Variants in PC observed in about 807,000 individuals in gnomAD.
The protein encoded by PC is pyruvate carboxylase, mitochondrial.
Under a neutral mutation model 107.8 loss-of-function variants are expected in PC, and 46 were observed. That is an observed-to-expected ratio of 0.43 (90% CI 0.34 to 0.55). The LOEUF (loss-of-function observed/expected upper bound fraction) is 0.55, where lower values mean the gene tolerates loss of function less well. Ranked by LOEUF, PC falls within the 20% of genes least tolerant of loss-of-function variation. The probability of loss-of-function intolerance (pLI) is 0.04; values close to 1 mark genes in which losing one functional copy is unlikely to be tolerated. For synonymous variants in PC, 662 were observed against 684.7 expected, an observed-to-expected ratio of 0.97 and a Z score of 0.52; for missense variants, 1,241 against 1,643.1, an observed-to-expected ratio of 0.76 and a Z score of 4.23.
In PC at chr11:66,850,010, C is replaced by T. The variant is rs370436212; in HGVS notation, c.2825G>A (p.Arg942His). Residue 942 changes from arginine to histidine, a missense_variant, in exon 20 of 23, where the codon CGC (arginine) becomes CAC (histidine). This residue lies in a region of PC where 1,143 missense variants were observed against 1,551.9 expected (regional missense o/e 0.74). Coordinates refer to ENST00000393960, the MANE Select transcript of PC (RefSeq NM_001040716.2). Reference sequence around the variant, plus strand: ...GCCCTGCAGGAACTCCACCACGGAGCGGGGAAAGGACAGCTCTTCCGCCTG... The same window carrying T: ...GCCCTGCAGGAACTCCACCACGGAGTGGGGAAAGGACAGCTCTTCCGCCTG... Reference protein sequence around the residue: ...EAQAEELSFPRSVVEFLQGYI... With the variant: ...EAQAEELSFPHSVVEFLQGYI... The T allele has an allele frequency of 2.7e-5, 43 of 1,613,544 alleles. No homozygotes were observed. Among genetic ancestry groups the T allele is most frequent in the East Asian group, 6.7e-5 (3 of 44,898 alleles).
chr11:66,898,764 A>G (rs1332370768), intron 3 of PC, among the ~76,000 whole-genome samples: 3 of 152,022 alleles, frequency 2.0e-5, no homozygotes, highest in Non-Finnish European at 4.4e-5. Flanking sequence ...CTTTTAGAAC[A>G]TTTCCTATCC....
chr11:66,913,460 G>T (rs1458829685), intron 3 of PC, among the ~76,000 whole-genome samples: 1 of 151,650 alleles, frequency 6.6e-6, no homozygotes, highest in East Asian at 1.9e-4. Context: ...TGAGGTGGGC[G>T]GAACACAAGG....
chr11:66,852,629 C>T lies in PC; in HGVS notation c.1635G>A (p.Leu545=). Reference sequence around the variant, plus strand: ...CAAAGCCCTCAGGCCCCTCTCGCAGCAGGATGTCTCTGAAACCAGCCGGGG... The same window carrying T: ...CAAAGCCCTCAGGCCCCTCTCGCAGTAGGATGTCTCTGAAACCAGCCGGGG... ...GPPPAGFRDI[L]LREGPEGFAR... The change falls in exon 15 of 23, where the codon CTG becomes CTA. Residue 545 remains leucine, a synonymous_variant. Coordinates refer to ENST00000393960, the MANE Select transcript of PC (RefSeq NM_001040716.2). This position sits in a 1 kb window ranked among gnomAD's most constrained non-coding sequence, Gnocchi z 4.7. The T allele has an allele frequency of 6.2e-7, 1 of 1,613,856 alleles. No homozygotes were observed.
At chr11:66,953,258 G>C (rs1949481166) in intron 2 of PC, among the ~76,000 whole-genome samples, 1 of 152,210 alleles carries the variant, frequency 6.6e-6, no homozygotes, top group Admixed American at 6.5e-5. Context: ...TCTCCGCAGA[G>C]CTGTCTCTAA....
Position 66,857,889 on chromosome 11 carries a change from C to A in PC, c.1369-4506G>T. On this transcript the variant is annotated intron_variant, in intron 12 of 22. Coordinates refer to ENST00000393960, the MANE Select transcript of PC (RefSeq NM_001040716.2). This position sits in a 1 kb window ranked among gnomAD's most constrained non-coding sequence, Gnocchi z 7.1. ...GTTTGTGCCGCCCAACGTGGACCGG[C>A]GCACAGTGGAGCTGCGGCTGGCTGA... is the stretch of plus-strand genomic sequence containing the variant. The A allele has an allele frequency of 6.2e-7, 1 of 1,611,628 alleles. No individual in the cohort carries two copies. Among genetic ancestry groups the A allele is most frequent in the South Asian group, 1.1e-5 (1 of 91,074 alleles).
At chr11:66,872,851 C>A (rs1946796494) in intron 3 of PC, among the ~76,000 whole-genome samples, 1 of 149,842 alleles carries the variant, frequency 6.7e-6, no homozygotes, top group African/African-American at 2.5e-5. Flanking sequence ...GCCTGGCCAA[C>A]ATGGTGAAAC....
At chr11:66,950,415 A>G (rs1949409290) in intron 3 of PC, among the ~76,000 whole-genome samples, 1 of 152,236 alleles carries the variant, frequency 6.6e-6, no homozygotes. Context: ...GCATATCAGG[A>G]CAAGGAGGTA....
intron 3 of PC, among the ~76,000 whole-genome samples, chr11:66,923,456 C>T (rs1007426386): frequency 2.2e-4 from 33 of 151,456 alleles, no homozygotes; most frequent in Middle Eastern, 7.0e-3. Context: ...AGAGACCCAT[C>T]GGTTCATTCC....
intron 3 of PC, among the ~76,000 whole-genome samples, chr11:66,879,376 T>C (rs1591211549): frequency 1.3e-5 from 2 of 152,172 alleles, no homozygotes; most frequent in South Asian, 2.1e-4. Flanking sequence ...CAGAAACCTG[T>C]CCCCAACATT....
At chr11:66,859,196 C>T in intron 12 of PC, 1 of 1,347,376 alleles carries the variant, frequency 7.4e-7, no homozygotes, top group African/African-American at 1.5e-5. Flanking sequence ...CTGGGGCTGA[C>T]ACCCCCTCCC....
At chr11:66,859,815 C>A in intron 12 of PC, 1 of 1,584,908 alleles carries the variant, frequency 6.3e-7, no homozygotes. Flanking sequence ...CCACGCCCTG[C>A]AGGCCCACGT....
At chr11:66,894,718 A>AT (rs1947690787) in intron 3 of PC, among the ~76,000 whole-genome samples, 2 of 152,230 alleles carry the variant, frequency 1.3e-5, no homozygotes, top group South Asian at 4.1e-4. Context: ...GGGCAGGCTG[A>AT]AAGCTTTCAA....
In PC at chr11:66,848,954, T is replaced by A; in HGVS notation, c.3482A>T (p.His1161Leu). Residue 1161 changes from histidine (H) to leucine (L), a missense_variant, in exon 23 of 23, where the codon CAT becomes CTT. His to Leu is a moderately conservative substitution (Grantham distance 99, BLOSUM62 -3). This residue lies in a region of PC where 98 missense variants were observed against 91.2 expected (regional missense o/e 1.07). Transcript: ENST00000393960. Reference protein sequence around the residue: ...SPMEGTVRKVHVTKDMTLEGD... With the variant: ...SPMEGTVRKVLVTKDMTLEGD... ...TTCCAGTGTCATGTCCTTGGTCACA[T>A]GAACCTTGCGGACAGTACCCTCCAT... 2 of 1,614,060 alleles carry A rather than the reference T, an allele frequency of 1.2e-6. No homozygotes were observed. Among genetic ancestry groups the A allele is most frequent in the Non-Finnish European group, 1.7e-6 (2 of 1,180,028 alleles).
At position 66,866,416 on chromosome 11, in the gene PC, C is replaced by T. The variant is rs1389171399; in HGVS notation, c.1023-67G>A. 3.4e-6 allele frequency: 4 copies of T among 1,173,628 alleles called. No individual in the cohort carries two copies. The highest frequency in any genetic ancestry group is 2.6e-5 in the South Asian group (2 of 76,898). 72.7% of individuals were successfully genotyped at this position (1,173,628 alleles called of 1,614,324 possible). A position where few individuals can be genotyped will look rare whatever the true frequency, so the allele number is the denominator to read the frequency against. On this transcript the variant is annotated intron_variant, in intron 10 of 22. Coordinates refer to ENST00000393960, the MANE Select transcript of PC (RefSeq NM_001040716.2). This position sits in a 1 kb window ranked among gnomAD's most constrained non-coding sequence, Gnocchi z 5.4. ...GGGGAAACATGAGGCGGGGGATAGA[C>T]GAGGGGCACCGCAGCCAGTGGGGCG...
rs1357633652 is a variant in PC at position 66,850,737 on chromosome 11, T to C, written c.2410A>G (p.Met804Val). ...GCCCCCATGCTGGGCTGTGAAGTCA[T>C]CCCAGACATGGAATCAGCTGCCACA... ...VDVAADSMSG[M>V]TSQPSMGALV... Residue 804 changes from methionine (M) to valine (V), a missense_variant, in exon 18 of 23, where the codon ATG (methionine) becomes GTG (valine). Transcript: ENST00000393960. 11 of 1,611,342 alleles carry C rather than the reference T, an allele frequency of 6.8e-6. No individual in the cohort carries two copies. Among genetic ancestry groups the C allele is most frequent in the Non-Finnish European group, 9.3e-6 (11 of 1,179,914 alleles).
intron 3 of PC, among the ~76,000 whole-genome samples, chr11:66,930,650 G>A (rs919199136): frequency 2.0e-5 from 3 of 151,364 alleles, no homozygotes; most frequent in Admixed American, 2.0e-4. Context: ...GTTGAGACAG[G>A]AGAATCATTT....
At chr11:66,937,408 T>C (rs1949025551) in intron 3 of PC, among the ~76,000 whole-genome samples, 1 of 152,194 alleles carries the variant, frequency 6.6e-6, no homozygotes. Context: ...CAAGATTCTT[T>C]GTCATTTGAC....
chr11:66,850,292 C>A lies in PC; in HGVS notation c.2646G>T (p.Gly882=). The A allele has an allele frequency of 6.2e-7, 1 of 1,614,148 alleles. No homozygotes were observed. The highest frequency in any genetic ancestry group is 8.5e-7 in the Non-Finnish European group (1 of 1,180,034). Residue 882 remains glycine, a synonymous_variant, in exon 19 of 23, where the codon GGG becomes GGT. Coordinates refer to ENST00000393960, the MANE Select transcript of PC (RefSeq NM_001040716.2). Reference sequence around the variant, plus strand: ...TGACCTCCTTGAACTTGGAGCCAAGCCCCATGCTGTGGGCCTGGAAGTGCA... The same window carrying A: ...TGACCTCCTTGAACTTGGAGCCAAGACCCATGCTGTGGGCCTGGAAGTGCA... ...TNLHFQAHSM[G]LGSKFKEVKK...
Position 66,862,402 on chromosome 11 carries a change from T to C in PC, c.1368+1372A>G, listed in dbSNP as rs370739823. Among the ~76,000 whole-genome samples, 42 of 152,270 alleles carry C rather than the reference T, an allele frequency of 2.8e-4. No homozygotes were observed. The East Asian group carries it at 6.2e-3, about 22-fold the overall frequency. On this transcript the variant is annotated intron_variant, in intron 12 of 22. Transcript: ENST00000393960. ...AGCCATGTGGACATGTGAGAAGTGA[T>C]TGCAGGACCCTGAGGGGACAGCACG...
Sources: allele counts gnomAD v4.1 joint callset (sites outside exome capture counted in the v4.1 genomes callset), GRCh38; gene constraint gnomAD v4.1.1; regional missense constraint gnomAD v4.1.1; non-coding constraint Gnocchi (gnomAD v3.1); transcripts MANE v1.5; gene names NCBI Gene and HGNC (gene_info 2026-07-23, HGNC 2026-07-21).